Variants in GRIN2B observed in about 807,000 individuals in gnomAD.
GRIN2B encodes glutamate ionotropic receptor NMDA type subunit 2B, also known as glutamate receptor ionotropic, NMDA 2B.
A neutral mutation model predicts 114.5 loss-of-function variants in GRIN2B; 5 were observed. The observed-to-expected ratio is 0.04, with a 90% confidence interval of 0.02 to 0.09. The LOEUF (loss-of-function observed/expected upper bound fraction) is 0.09, where lower values mean the gene tolerates loss of function less well. Ranked by LOEUF, GRIN2B falls within the 10% of genes least tolerant of loss-of-function variation. The probability of loss-of-function intolerance (pLI) is 1.00; values close to 1 mark genes in which losing one functional copy is unlikely to be tolerated. For missense variants in GRIN2B, 1,108 were observed against 1,943.5 expected (o/e 0.57, Z 8.08); for synonymous variants, 787 against 745.1 (o/e 1.06, Z -0.92).
chr12:13,643,503 G>A (rs1256290372), intron 5 of GRIN2B, among the ~76,000 whole-genome samples: 1 of 152,170 alleles, frequency 6.6e-6, no homozygotes, highest in Non-Finnish European at 1.5e-5. Flanking sequence ...GTTGATGGCT[G>A]CTGACTGATC....
At chr12:13,660,960 T>C (rs752716665) in intron 5 of GRIN2B, among the ~76,000 whole-genome samples, 8 of 152,230 alleles carry the variant, frequency 5.3e-5, no homozygotes, top group Non-Finnish European at 1.0e-4. Flanking sequence ...GCTTTCTCTC[T>C]ACACTTTTAG....
At chr12:13,968,877 G>A (rs1867832378) in intron 2 of GRIN2B, among the ~76,000 whole-genome samples, 1 of 152,176 alleles carries the variant, frequency 6.6e-6, no homozygotes, top group Admixed American at 6.5e-5. Context: ...CTATTCAAAG[G>A]AGTAGTTTGC....
chr12:13,616,366 T>C, intron 6 of GRIN2B, 89 bp downstream of exon 6: 3 of 898,792 alleles, frequency 3.3e-6, no homozygotes, highest in Non-Finnish European at 5.6e-6. Flanking sequence ...CCAATTCTCA[T>C]GCCTCAGGTC....
chr12:13,916,298 T>C (rs1430684161), intron 2 of GRIN2B, among the ~76,000 whole-genome samples: 1 of 152,178 alleles, frequency 6.6e-6, no homozygotes, highest in Non-Finnish European at 1.5e-5. Context: ...TCATTTTAAA[T>C]CAGGAAGTTT....
At chr12:13,810,280 A>C (rs1440285652) in intron 3 of GRIN2B, among the ~76,000 whole-genome samples, 1 of 150,578 alleles carries the variant, frequency 6.6e-6, no homozygotes, top group Non-Finnish European at 1.5e-5. Flanking sequence ...CAATGTCACG[A>C]TCTTGGCTTA....
At chr12:13,691,676 G>C (rs1267229487) in intron 4 of GRIN2B, among the ~76,000 whole-genome samples, 1 of 152,130 alleles carries the variant, frequency 6.6e-6, no homozygotes, top group Non-Finnish European at 1.5e-5. Flanking sequence ...TTACAAAGGG[G>C]GTTGGGGTGA....
intron 5 of GRIN2B, among the ~76,000 whole-genome samples, chr12:13,662,691 C>A (rs956991780): frequency 6.6e-6 from 1 of 152,092 alleles, no homozygotes; most frequent in African/African-American, 2.4e-5. Flanking sequence ...GGAAAATATT[C>A]GCCAAATGCA....
At chr12:13,791,765 G>A (rs936508247) in intron 3 of GRIN2B, among the ~76,000 whole-genome samples, 1 of 152,156 alleles carries the variant, frequency 6.6e-6, no homozygotes, top group African/African-American at 2.4e-5. Context: ...AAGGTAATTA[G>A]TGTATCCATC....
chr12:13,585,528 C>T (rs1228103042), intron 10 of GRIN2B, among the ~76,000 whole-genome samples: 1 of 152,198 alleles, frequency 6.6e-6, no homozygotes, highest in African/African-American at 2.4e-5. Context: ...GCCTGGCGAT[C>T]CCACCACGCA....
chr12:13,959,907 A>G (rs1591641938), intron 2 of GRIN2B, among the ~76,000 whole-genome samples: 1 of 152,060 alleles, frequency 6.6e-6, no homozygotes, highest in East Asian at 1.9e-4. Context: ...ACCAGTTTGT[A>G]ACTGAAACCA....
chr12:13,643,436 T>G (rs1446014408), intron 5 of GRIN2B, among the ~76,000 whole-genome samples: 1 of 152,118 alleles, frequency 6.6e-6, no homozygotes, highest in Admixed American at 6.6e-5. Flanking sequence ...ATGCTAAGGA[T>G]CATCTGAGCC....
chr12:13,827,510 C>T (rs919567398), intron 3 of GRIN2B, among the ~76,000 whole-genome samples: 1 of 151,798 alleles, frequency 6.6e-6, no homozygotes, highest in Non-Finnish European at 1.5e-5. Context: ...TACTCTAGAT[C>T]CTTCATATTT....
At chr12:13,911,113 A>G (rs1157020363) in intron 2 of GRIN2B, among the ~76,000 whole-genome samples, 3 of 152,050 alleles carry the variant, frequency 2.0e-5, no homozygotes, top group Non-Finnish European at 4.4e-5. Context: ...AGTGAGTCTT[A>G]TCATCTCCTC....
At chr12:13,923,831 T>G (rs1042627397) in intron 2 of GRIN2B, among the ~76,000 whole-genome samples, 3 of 152,142 alleles carry the variant, frequency 2.0e-5, no homozygotes, top group Admixed American at 2.0e-4. Flanking sequence ...GTGAAGCCAG[T>G]CTACCCTCAG....
chr12:13,599,298 G>A (rs951728590), intron 10 of GRIN2B, among the ~76,000 whole-genome samples: 2 of 152,122 alleles, frequency 1.3e-5, no homozygotes, highest in African/African-American at 2.4e-5. Context: ...CAGCTAGGCC[G>A]AAAGGTTCCA....
chr12:13,788,116 T>C (rs1260455988), intron 3 of GRIN2B, among the ~76,000 whole-genome samples: 1 of 152,202 alleles, frequency 6.6e-6, no homozygotes, highest in Non-Finnish European at 1.5e-5. Context: ...GAATAGCTTA[T>C]GTGGCAGGTA....
chr12:13,848,409 T>G (rs1865503612), intron 3 of GRIN2B, among the ~76,000 whole-genome samples: 2 of 151,572 alleles, frequency 1.3e-5, no homozygotes, highest in South Asian at 4.2e-4. Context: ...ACCCCAGCAG[T>G]GCCAGGAGCA....
At chr12:13,758,930 T>C (rs992976782) in intron 3 of GRIN2B, among the ~76,000 whole-genome samples, 2 of 151,902 alleles carry the variant, frequency 1.3e-5, no homozygotes, top group Admixed American at 6.6e-5. Context: ...ATTGTATTAA[T>C]ATTGTAGACG....
chr12:13,737,749 T>C (rs1339836038), intron 4 of GRIN2B, among the ~76,000 whole-genome samples: 2 of 152,228 alleles, frequency 1.3e-5, no homozygotes, highest in Admixed American at 6.5e-5. Flanking sequence ...ACTTGTTAAG[T>C]GTACCTGGAG....
Sources: allele counts gnomAD v4.1 joint callset (sites outside exome capture counted in the v4.1 genomes callset), GRCh38; gene constraint gnomAD v4.1.1; transcripts MANE v1.5; gene names NCBI Gene and HGNC (gene_info 2026-07-23, HGNC 2026-07-21).